The following CENPW variants were observed in gnomAD, a reference collection of about 807,000 sequenced individuals.
CENPW encodes cancer-up-regulated gene 2 protein.
A neutral mutation model predicts 11.1 loss-of-function variants in CENPW; 3 were observed. The ratio of observed to expected loss-of-function variants is 0.27; its 90% CI spans 0.12 to 0.70. The LOEUF (loss-of-function observed/expected upper bound fraction) is 0.70. Ranked by LOEUF, CENPW falls within the 30% of genes least tolerant of loss-of-function variation. CENPW has a pLI of 0.77. For synonymous variants in CENPW, 38 were observed against 42.0 expected, an observed-to-expected ratio of 0.91 and a Z score of 0.37; for missense variants, 100 against 105.6, an observed-to-expected ratio of 0.95 and a Z score of 0.23.
the CENPW span, among the ~76,000 whole-genome samples, chr6:126,471,379 C>A: frequency 6.6e-5 from 10 of 152,022 alleles, no homozygotes; most frequent in Admixed American, 6.5e-4. Context: ...TTTCTTGAAG[C>A]CTCCCCAGCC....
chr6:126,406,777 G>A, the CENPW span, among the ~76,000 whole-genome samples: 8 of 151,998 alleles, frequency 5.3e-5, no homozygotes, highest in East Asian at 1.9e-4. Context: ...GCTTGAACCC[G>A]GGAGGCGGAG....
chr6:126,471,542 A>G, the CENPW span, among the ~76,000 whole-genome samples: 1 of 152,360 alleles, frequency 6.6e-6, no homozygotes, highest in African/African-American at 2.4e-5. Flanking sequence ...TAAATGGCCA[A>G]AAATTGAAAA....
At chr6:126,428,155 G>C in the CENPW span, among the ~76,000 whole-genome samples, 2 of 152,126 alleles carry the variant, frequency 1.3e-5, no homozygotes, top group African/African-American at 4.8e-5. Context: ...CCTGATCAGA[G>C]TTAAATTTAT....
chr6:126,411,896 C>T, the CENPW span, among the ~76,000 whole-genome samples: 1 of 149,118 alleles, frequency 6.7e-6, no homozygotes, highest in South Asian at 2.2e-4. Context: ...TCCTACCTTC[C>T]TTCCTTCCTT....
the CENPW span, among the ~76,000 whole-genome samples, chr6:126,411,136 G>C: frequency 6.6e-6 from 1 of 152,108 alleles, no homozygotes; most frequent in Admixed American, 6.6e-5. Context: ...GGCTTTCATA[G>C]AGAAAGACTT....
chr6:126,411,181 A>G, the CENPW span, among the ~76,000 whole-genome samples: 6 of 152,048 alleles, frequency 3.9e-5, no homozygotes, highest in African/African-American at 9.7e-5. Context: ...GCCAATTAGG[A>G]GGGGTATGGG....
At chr6:126,351,927 A>G (rs1018750941), downstream of CENPW, among the ~76,000 whole-genome samples, 1 of 151,878 alleles carries the variant, frequency 6.6e-6, no homozygotes, top group Non-Finnish European at 1.5e-5. Context: ...ATAACAGTAT[A>G]CTCCCTAGGT....
At chr6:126,405,120 A>G in the CENPW span, among the ~76,000 whole-genome samples, 1 of 151,972 alleles carries the variant, frequency 6.6e-6, no homozygotes, top group Non-Finnish European at 1.5e-5. Context: ...CGTCAGGTAG[A>G]TTTATAGTTT....
At chr6:126,350,023 G>A (rs1780473000), downstream of CENPW, among the ~76,000 whole-genome samples, 1 of 151,816 alleles carries the variant, frequency 6.6e-6, no homozygotes, top group Non-Finnish European at 1.5e-5. Context: ...TGCTGTGTTC[G>A]GTTGGCTCAG....
the CENPW span, among the ~76,000 whole-genome samples, chr6:126,416,476 G>A: frequency 6.6e-6 from 1 of 152,184 alleles, no homozygotes; most frequent in Non-Finnish European, 1.5e-5. Context: ...AAGACAATGG[G>A]AAAAATGTCT....
rs750494370 is a variant in CENPW, at chr6:126,340,289, A to G, written c.16A>G (p.Ile6Val). 3 of 1,613,778 alleles carry G rather than the reference A, an allele frequency of 1.9e-6. No individual in the cohort carries two copies. Among genetic ancestry groups the G allele is most frequent in the African/African-American group, 1.3e-5 (1 of 75,054 alleles). The change falls in exon 1 of 3, where the codon ATA becomes GTA. Residue 6 changes from isoleucine (I) to valine (V), a missense_variant. Physicochemically the swap from Ile to Val is conservative, Grantham distance 29. Coordinates refer to ENST00000368328, the MANE Select transcript of CENPW (RefSeq NM_001012507.4). Reference protein sequence around the residue: MALSTIVSQRKQIKRK... With the variant: MALSTVVSQRKQIKRK... ...GACAGAGAGGATGGCGCTGTCGACC[A>G]TAGTCTCCCAGAGGAAGCAGATAAA...
the CENPW span, among the ~76,000 whole-genome samples, chr6:126,379,880 T>C: frequency 6.6e-6 from 1 of 152,234 alleles, no homozygotes; most frequent in African/African-American, 2.4e-5. Context: ...AAAATGTGTT[T>C]CATTTTATTG....
chr6:126,393,968 TC>T, the CENPW span, among the ~76,000 whole-genome samples: 2 of 151,922 alleles, frequency 1.3e-5, no homozygotes, highest in Non-Finnish European at 2.9e-5. Context: ...TTTTTTGGTT[TC>T]CATTGGCATG....
At chr6:126,429,280 A>C in the CENPW span, among the ~76,000 whole-genome samples, 1 of 152,208 alleles carries the variant, frequency 6.6e-6, no homozygotes. Flanking sequence ...AGTGAAAAAC[A>C]AATATCTTAT....
the CENPW span, among the ~76,000 whole-genome samples, chr6:126,382,901 A>G: frequency 2.6e-5 from 4 of 152,192 alleles, no homozygotes; most frequent in Admixed American, 2.6e-4. Flanking sequence ...ACCAAGCTAG[A>G]GAGGCCAACA....
chr6:126,340,779 A>G (rs1780289392), intron 1 of CENPW, among the ~76,000 whole-genome samples: 2 of 152,276 alleles, frequency 1.3e-5, no homozygotes, highest in Admixed American at 6.5e-5. Flanking sequence ...TTTGGAATTC[A>G]GTCTGGGTCA....
intron 1 of CENPW, among the ~76,000 whole-genome samples, chr6:126,344,896 G>A (rs574371621): frequency 2.9e-4 from 44 of 152,240 alleles, no homozygotes; most frequent in African/African-American, 1.0e-3. Context: ...TAAGTATTGT[G>A]TATAAATTGT....
chr6:126,374,676 G>A, the CENPW span, among the ~76,000 whole-genome samples: 1 of 152,178 alleles, frequency 6.6e-6, no homozygotes, highest in Non-Finnish European at 1.5e-5. Context: ...GTTATGGTGT[G>A]AAGTAAAAGT....
chr6:126,429,852 T>A, the CENPW span, among the ~76,000 whole-genome samples: 1 of 152,210 alleles, frequency 6.6e-6, no homozygotes, highest in Admixed American at 6.5e-5. Context: ...CAAAAAGTCC[T>A]GAAATGCCCC....
Sources: gnomAD v4.1 joint callset for allele counts (sites outside exome capture counted in the v4.1 genomes callset) on GRCh38, gnomAD v4.1.1 for gene constraint, MANE v1.5 for transcripts, NCBI Gene and HGNC (gene_info 2026-07-23, HGNC 2026-07-21) for gene names.